Variants in DCC observed in about 807,000 individuals in gnomAD.
DCC encodes DCC netrin 1 receptor.
Under a neutral mutation model 172.5 loss-of-function variants are expected in DCC, and 58 were observed. The observed-to-expected ratio is 0.34, with a 90% CI of 0.27 to 0.42. The LOEUF is 0.42. DCC is among the 10% of genes least tolerant of loss of function. The pLI is 1.00. For missense variants in DCC, 1,740 were observed against 1,791.0 expected (o/e 0.97, Z 0.51); for synonymous variants, 709 against 644.5 (o/e 1.10, Z -1.52).
At chr18:52,789,871 A>G (rs1208948398) in intron 2 of DCC, among the ~76,000 whole-genome samples, 2 of 152,174 alleles carry the variant, frequency 1.3e-5, no homozygotes, top group Non-Finnish European at 2.9e-5. Flanking sequence ...CTGAAGATAT[A>G]CTTCCCTCTT....
At chr18:53,498,431 C>T (rs543076407) in intron 26 of DCC, among the ~76,000 whole-genome samples, 42 of 152,096 alleles carry the variant, frequency 2.8e-4, no homozygotes, top group Admixed American at 1.8e-3. Flanking sequence ...CTATGCAGCT[C>T]GTTTTGCTTG....
At chr18:52,953,026 A>AAAAC (rs2040682060) in intron 5 of DCC, among the ~76,000 whole-genome samples, 1 of 148,844 alleles carries the variant, frequency 6.7e-6, no homozygotes, top group South Asian at 2.2e-4. Context: ...AAAAAAAAAA[A>AAAAC]AACTCATAAC....
chr18:53,008,254 C>T (rs1437607639), intron 5 of DCC, among the ~76,000 whole-genome samples: 2 of 152,030 alleles, frequency 1.3e-5, no homozygotes, highest in Non-Finnish European at 2.9e-5. Context: ...TAGCACTTTG[C>T]TCAGTTATTT....
intron 7 of DCC, among the ~76,000 whole-genome samples, chr18:53,140,368 C>A (rs1042980052): frequency 6.6e-6 from 1 of 152,050 alleles, no homozygotes; most frequent in African/African-American, 2.4e-5. Context: ...ATTATCTTGC[C>A]ATATTTTAGG....
chr18:52,867,902 CTCTTTAACTTGG>C (rs1402632340), intron 2 of DCC, among the ~76,000 whole-genome samples: 1 of 152,002 alleles, frequency 6.6e-6, no homozygotes, highest in Non-Finnish European at 1.5e-5. Context: ...CAGATTTTTG[CTCTTTAACTTGG>C]TCAAGATAGT....
At chr18:53,149,944 A>G (rs2043973833) in intron 7 of DCC, among the ~76,000 whole-genome samples, 1 of 152,194 alleles carries the variant, frequency 6.6e-6, no homozygotes, top group African/African-American at 2.4e-5. Flanking sequence ...CCCCTTCTGG[A>G]TACAAGGTCA....
intron 1 of DCC, among the ~76,000 whole-genome samples, chr18:52,529,990 T>G (rs1366004105): frequency 6.6e-6 from 1 of 152,182 alleles, no homozygotes; most frequent in Non-Finnish European, 1.5e-5. Context: ...CAAAAATCTC[T>G]ACTAGAAAGC....
intron 2 of DCC, among the ~76,000 whole-genome samples, chr18:52,857,569 T>C (rs1164743092): frequency 6.6e-5 from 10 of 152,166 alleles, no homozygotes; most frequent in Non-Finnish European, 1.2e-4. Context: ...CATGATGTTA[T>C]ATAGGGTAAT....
intron 15 of DCC, among the ~76,000 whole-genome samples, chr18:53,352,301 A>C (rs1047428408): frequency 1.3e-5 from 2 of 152,132 alleles, no homozygotes; most frequent in Non-Finnish European, 2.9e-5. Flanking sequence ...TTCATAGCCA[A>C]CTTGGAGGAA....
intron 5 of DCC, among the ~76,000 whole-genome samples, chr18:52,927,897 C>T (rs2040244225): frequency 6.6e-6 from 1 of 151,996 alleles, no homozygotes; most frequent in Non-Finnish European, 1.5e-5. Flanking sequence ...CTATTTGACC[C>T]AACAATCCTG....
chr18:52,592,350 T>C (rs2033819278), intron 1 of DCC, among the ~76,000 whole-genome samples: 2 of 152,204 alleles, frequency 1.3e-5, no homozygotes, highest in Non-Finnish European at 2.9e-5. Flanking sequence ...GCTATTTCCT[T>C]TTCTTTTCTT....
chr18:52,782,272 C>T (rs2145187979), intron 2 of DCC, among the ~76,000 whole-genome samples: 1 of 152,210 alleles, frequency 6.6e-6, no homozygotes, highest in East Asian at 1.9e-4. Context: ...ATGATATGCC[C>T]TCTAGACTGC....
At chr18:53,133,774 A>G (rs1237834540) in intron 7 of DCC, among the ~76,000 whole-genome samples, 4 of 152,184 alleles carry the variant, frequency 2.6e-5, no homozygotes, top group South Asian at 2.1e-4. Flanking sequence ...ACATCTTCAA[A>G]TAGGAAACCA....
chr18:53,090,620 G>A (rs1303488309), intron 7 of DCC, among the ~76,000 whole-genome samples: 2 of 138,074 alleles, frequency 1.4e-5, no homozygotes, highest in Non-Finnish European at 3.1e-5. Context: ...CATGAACCCG[G>A]GAGGCAGAGC....
intron 1 of DCC, among the ~76,000 whole-genome samples, chr18:52,614,919 A>G (rs1475007227): frequency 1.3e-5 from 2 of 152,178 alleles, no homozygotes; most frequent in African/African-American, 4.8e-5. Flanking sequence ...AGAGAATACT[A>G]CTTGTGAGCA....
At position 53,157,406 on chromosome 18, in the gene DCC, G is replaced by C. The variant is rs766534593; in HGVS notation, c.1312G>C (p.Val438Leu). The C allele has an allele frequency of 1.5e-5, 25 of 1,614,002 alleles. No individual in the cohort carries two copies. The South Asian group carries it at 2.7e-4, about 18-fold the overall frequency. ...TTCGGCTCCCAGAGATGTGGTCCCT[G>C]TCTTGGTTTCCAGCCGATTTGTCCG... Reference protein sequence around the residue: ...LPSAPRDVVPVLVSSRFVRLS... With the variant: ...LPSAPRDVVPLLVSSRFVRLS... Residue 438 changes from valine (V) to leucine (L), a missense_variant, in exon 8 of 29, where the codon GTC becomes CTC. Val to Leu is a conservative substitution (Grantham distance 32, BLOSUM62 1). Transcript: ENST00000442544.
chr18:53,109,409 T>C (rs1475932254), intron 7 of DCC, among the ~76,000 whole-genome samples: 1 of 151,690 alleles, frequency 6.6e-6, no homozygotes, highest in Non-Finnish European at 1.5e-5. Context: ...ATTTATTAAA[T>C]CCTCTTTATT....
At chr18:52,995,673 A>G (rs1031112771) in intron 5 of DCC, among the ~76,000 whole-genome samples, 1 of 151,972 alleles carries the variant, frequency 6.6e-6, no homozygotes, top group African/African-American at 2.4e-5. Context: ...AGCCTCCTTA[A>G]GTTCTCAGTT....
chr18:52,500,113 GTT>G (rs34895630), intron 1 of DCC, among the ~76,000 whole-genome samples: 1 of 144,824 alleles, frequency 6.9e-6, no homozygotes, highest in Non-Finnish European at 1.5e-5. Context: ...ATTTTCACTA[GTT>G]TTTTTTTTTT....
Sources: gnomAD v4.1 joint callset for allele counts (sites outside exome capture counted in the v4.1 genomes callset) on GRCh38, gnomAD v4.1.1 for gene constraint, MANE v1.5 for transcripts, NCBI Gene and HGNC (gene_info 2026-07-23, HGNC 2026-07-21) for gene names.